The following C1orf21 variants were observed in gnomAD, a reference collection of about 807,000 sequenced individuals.
C1orf21 encodes uncharacterized protein C1orf21.
In C1orf21, 3 loss-of-function variants were observed where a neutral mutation model predicts 18.7. That is an observed-to-expected ratio of 0.16 (90% CI 0.07 to 0.42). The LOEUF (loss-of-function observed/expected upper bound fraction) is 0.42, where lower values mean the gene tolerates loss of function less well. Among genes scored for constraint, C1orf21 ranks in the 10% least tolerant of loss-of-function variants. The probability of loss-of-function intolerance (pLI) is 0.99; values close to 1 mark genes in which losing one functional copy is unlikely to be tolerated. For missense variants in C1orf21, 104 were observed against 143.6 expected (o/e 0.72, Z 1.41); for synonymous variants, 41 against 46.4 (o/e 0.88, Z 0.47).
chr1:184,455,728 G>T (rs142488036), intron 1 of C1orf21, among the ~76,000 whole-genome samples: 213 of 152,220 alleles, frequency 1.4e-3, no homozygotes, highest in African/African-American at 4.5e-3. Context: ...GGCACTACCA[G>T]GGCCTGAATA....
At chr1:184,536,379 A>T (rs971263636) in intron 3 of C1orf21, among the ~76,000 whole-genome samples, 1 of 152,154 alleles carries the variant, frequency 6.6e-6, no homozygotes, top group African/African-American at 2.4e-5. Flanking sequence ...GCCCACACTC[A>T]TGTCCACACA....
At chr1:184,543,646 C>T (rs1304861164) in intron 3 of C1orf21, among the ~76,000 whole-genome samples, 1 of 152,100 alleles carries the variant, frequency 6.6e-6, no homozygotes, top group Non-Finnish European at 1.5e-5. Flanking sequence ...GTTATCACTT[C>T]TGGCAGTAGA....
At chr1:184,435,952 A>G (rs1361292594) in intron 1 of C1orf21, among the ~76,000 whole-genome samples, 1 of 152,112 alleles carries the variant, frequency 6.6e-6, no homozygotes, top group African/African-American at 2.4e-5. Context: ...GTGGAGTACC[A>G]TGTGACAAAG....
chr1:184,579,520 TTTTG>T (rs1659246963), intron 3 of C1orf21, among the ~76,000 whole-genome samples: 1 of 149,224 alleles, frequency 6.7e-6, no homozygotes, highest in African/African-American at 2.5e-5. Flanking sequence ...TTCCTTTTTT[TTTTG>T]TTTAAGATGG....
intron 2 of C1orf21, among the ~76,000 whole-genome samples, chr1:184,493,933 A>G (rs1042260426): frequency 6.6e-6 from 1 of 152,200 alleles, no homozygotes; most frequent in African/African-American, 2.4e-5. Context: ...TCATTTAAGA[A>G]CTATTGGTTG....
At chr1:184,516,225 A>C (rs1028284220) in intron 3 of C1orf21, among the ~76,000 whole-genome samples, 1 of 152,202 alleles carries the variant, frequency 6.6e-6, no homozygotes, top group Non-Finnish European at 1.5e-5. Flanking sequence ...AGTCTTATCT[A>C]TAGAGTTGAG....
At chr1:184,572,636 T>C (rs1659128222) in intron 3 of C1orf21, among the ~76,000 whole-genome samples, 1 of 152,136 alleles carries the variant, frequency 6.6e-6, no homozygotes, top group Non-Finnish European at 1.5e-5. Flanking sequence ...TAAGCCAGGA[T>C]CCATGCAAGA....
At chr1:184,569,077 T>G (rs1659073641) in intron 3 of C1orf21, among the ~76,000 whole-genome samples, 1 of 152,230 alleles carries the variant, frequency 6.6e-6, no homozygotes. Context: ...GCCAAGGCAT[T>G]GGGATAAGTC....
At chr1:184,584,003 C>T (rs998417654) in intron 3 of C1orf21, among the ~76,000 whole-genome samples, 1 of 152,124 alleles carries the variant, frequency 6.6e-6, no homozygotes, top group Admixed American at 6.5e-5. Flanking sequence ...TATTGCATAG[C>T]TCTCAGCCCC....
In C1orf21 at chr1:184,563,852, G is replaced by A. The variant is rs142848105; in HGVS notation, c.190-26887G>A. 3.9e-3 allele frequency among the ~76,000 whole-genome samples: 595 copies of A among 152,324 alleles called. 4 individuals carry two copies. The highest frequency in any genetic ancestry group is 4.1e-3 in the Non-Finnish European group (278 of 68,028). ...TGTGGAAATCCACAAGGTGGACAGA[G>A]AATATTTAACTGTCTGGTGAATTTT... On this transcript the variant is annotated intron_variant, in intron 3 of 5. Transcript: ENST00000235307.
rs564486530 is a variant in C1orf21, at chr1:184,622,108, G to C, written c.*2552G>C. 1 of 152,154 alleles carries C rather than the reference G, an allele frequency of 6.6e-6. No individual in the cohort carries two copies. Among genetic ancestry groups the C allele is most frequent in the Admixed American group, 6.5e-5 (1 of 15,282 alleles). The allele number at this position is 152,154 out of a possible 1,614,324, so 9.4% of individuals were successfully genotyped here. On this transcript the variant is annotated 3_prime_UTR_variant, in exon 6 of 6. Transcript: ENST00000235307. ...ATATTTTGCCTTTTTTTCCCCACGT[G>C]TATCTGAACATTAAGCAGATTGGCT...
chr1:184,424,544 T>C lies in C1orf21; in HGVS notation c.-125+37176T>C, dbSNP rs75077327. Among the ~76,000 whole-genome samples the C allele has an allele frequency of 6.4e-3, 971 of 152,312 alleles. 17 individuals carry two copies. Among genetic ancestry groups the C allele is most frequent in the African/African-American group, 0.022 (935 of 41,556 alleles). On this transcript the variant is annotated intron_variant, in intron 1 of 5. Transcript: ENST00000235307. ...GTGGAACCAGAAATGAAGTATGGTG[T>C]CTCAGATGTGTTCTAACCTTGGTAG...
At chr1:184,580,227 T>C (rs1021176088) in intron 3 of C1orf21, among the ~76,000 whole-genome samples, 3 of 152,204 alleles carry the variant, frequency 2.0e-5, no homozygotes, top group Non-Finnish European at 2.9e-5. Context: ...GATTGTGCTT[T>C]GTCTTCAGGA....
intron 1 of C1orf21, among the ~76,000 whole-genome samples, chr1:184,404,172 C>T (rs1656207028): frequency 6.6e-6 from 1 of 152,114 alleles, no homozygotes; most frequent in Non-Finnish European, 1.5e-5. Flanking sequence ...ACAGGAAGTA[C>T]ATGATGGGAT....
intron 3 of C1orf21, among the ~76,000 whole-genome samples, chr1:184,514,025 G>C (rs995005459): frequency 6.6e-6 from 1 of 152,210 alleles, no homozygotes; most frequent in Non-Finnish European, 1.5e-5. Context: ...GGCTACGTGC[G>C]GTGGCTCATG....
At chr1:184,595,908 T>C (rs923585026) in intron 4 of C1orf21, among the ~76,000 whole-genome samples, 51 of 152,202 alleles carry the variant, frequency 3.4e-4, no homozygotes, top group African/African-American at 1.2e-3. Context: ...CATGTTCTAA[T>C]GTTCTTAGAC....
chr1:184,468,980 G>A (rs1038907092), intron 1 of C1orf21, among the ~76,000 whole-genome samples: 8 of 149,510 alleles, frequency 5.4e-5, no homozygotes, highest in East Asian at 2.0e-4. Flanking sequence ...CATGCCTGTA[G>A]TCCCAGCACT....
chr1:184,566,408 A>C (rs1046588595), intron 3 of C1orf21: 1 of 158,982 alleles, frequency 6.3e-6, no homozygotes. Context: ...GTAGTGACAC[A>C]TGTCGGACAG....
chr1:184,388,710 C>T (rs1655925413), intron 1 of C1orf21, among the ~76,000 whole-genome samples: 1 of 151,694 alleles, frequency 6.6e-6, no homozygotes, highest in African/African-American at 2.4e-5. Context: ...ATGAACACCT[C>T]CCTATTCAAG....
Sources: allele counts gnomAD v4.1 joint callset (sites outside exome capture counted in the v4.1 genomes callset), GRCh38; gene constraint gnomAD v4.1.1; transcripts MANE v1.5; gene names NCBI Gene and HGNC (gene_info 2026-07-23, HGNC 2026-07-21).